The following PNPO variants were observed in gnomAD, a reference collection of about 807,000 sequenced individuals.
PNPO encodes pyridoxamine 5'-phosphate oxidase.
Under a neutral mutation model 35.0 loss-of-function variants are expected in PNPO, and 39 were observed. That is an observed-to-expected ratio of 1.11 (90% CI 0.86 to 1.45). The LOEUF is 1.45. PNPO is among the 40% of genes most tolerant of loss of function. The pLI is 0.00. For synonymous variants in PNPO, 115 were observed against 119.8 expected (o/e 0.96, Z 0.26); for missense variants, 288 against 340.0 (o/e 0.85, Z 1.20).
chr17:47,946,019 G>T, intron 5 of PNPO, 30 bp downstream of exon 5: 1 of 1,612,246 alleles, frequency 6.2e-7, no homozygotes, highest in Non-Finnish European at 8.5e-7. Context: ...AGTCCTCCAG[G>T]TGGTGGAGGC....
Position 47,948,002 on chromosome 17 carries a change from G to A in PNPO, c.*1220G>A, listed in dbSNP as rs1239557372. On this transcript the variant is annotated 3_prime_UTR_variant, in exon 7 of 7. Transcript: ENST00000642017. ...TTGCTGCCTTCTCTGTGGCTACAAG[G>A]GACCCACAGAATTACAGGGAAGTTA... 1 of 152,116 alleles carries A rather than the reference G, an allele frequency of 6.6e-6. No homozygotes were observed. Among genetic ancestry groups the A allele is most frequent in the Non-Finnish European group, 1.5e-5 (1 of 68,020 alleles). 9.4% of individuals were successfully genotyped at this position (152,116 alleles called of 1,614,324 possible).
In PNPO at chr17:47,946,356, C is replaced by T. The variant is rs754757019; in HGVS notation, c.580C>T (p.Leu194Phe). The T allele has an allele frequency of 3.1e-6, 5 of 1,613,644 alleles. No homozygotes were observed. In the South Asian group the frequency reaches 4.4e-5, roughly 14 times the overall value. ...AAAGAAAAATGAGGAACTGGAACAG[C>T]TCTACCAGGATCAAGAGGTGCCCAA... ...LRKKNEELEQ[L>F]YQDQEVPKPK... Residue 194 changes from leucine (L) to phenylalanine (F), a missense_variant, in exon 6 of 7, where the codon CTC becomes TTC. Leu to Phe is a conservative substitution (Grantham distance 22, BLOSUM62 0). Transcript: ENST00000642017.
chr17:47,942,033 A>T lies in PNPO; in HGVS notation c.138+220A>T, dbSNP rs1598195326. On this transcript the variant is annotated intron_variant, in intron 1 of 6. Coordinates refer to ENST00000642017, the MANE Select transcript of PNPO (RefSeq NM_018129.4). Reference sequence around the variant, plus strand: ...AAACGCAAATGAAGATGGGTTCAAAAGGCAGCCTTTCGTAATGGGTAAGAG... The same window carrying T: ...AAACGCAAATGAAGATGGGTTCAAATGGCAGCCTTTCGTAATGGGTAAGAG... The T allele has an allele frequency of 6.0e-6, 8 of 1,323,396 alleles. No homozygotes were observed. In the East Asian group the frequency reaches 2.3e-4, roughly 38 times the overall value. The allele number at this position is 1,323,396 out of a possible 1,614,324, so 82.0% of individuals were successfully genotyped here.
chr17:47,946,207 G>T, intron 5 of PNPO, 116 bp from the exon 6 acceptor site: 1 of 1,023,376 alleles, frequency 9.8e-7, no homozygotes. Context: ...TGCTCCTGGA[G>T]GACAGAGGCC....
At position 47,949,289 on chromosome 17, in the gene PNPO, C is replaced by G. The variant is rs1456467530; in HGVS notation, c.*2507C>G. On this transcript the variant is annotated 3_prime_UTR_variant, in exon 7 of 7. Coordinates refer to ENST00000642017, the MANE Select transcript of PNPO (RefSeq NM_018129.4). ...TACCGCCCCCAGTCTGTAATAAAAG[C>G]CTATCAGCCGTGCACTTTATTGATG... 2.0e-5 allele frequency: 3 copies of G among 152,246 alleles called. No homozygotes were observed. The highest frequency in any genetic ancestry group is 2.9e-5 in the Non-Finnish European group (2 of 68,048). The allele number at this position is 152,246 out of a possible 1,614,324, so 9.4% of individuals were successfully genotyped here.
chr17:47,942,488 CTGTT>C (rs112357759), intron 1 of PNPO, among the ~76,000 whole-genome samples: 7 of 152,122 alleles, frequency 4.6e-5, no homozygotes, highest in African/African-American at 1.4e-4. Context: ...AGCTTACAAA[CTGTT>C]TGACAAAAAA....
In PNPO at chr17:47,945,468, G is replaced by A. The variant is rs1372225340; in HGVS notation, c.364-91G>A. ...CGGTGGGTGCATCTGCTGTGGGCCTGCGCACTACAGCTCTCCTGCCTTTTC... is the reference window on the plus strand; with the variant it reads ...CGGTGGGTGCATCTGCTGTGGGCCTACGCACTACAGCTCTCCTGCCTTTTC... On this transcript the variant is annotated intron_variant, in intron 3 of 6. Transcript: ENST00000642017. This position sits in a 1 kb window ranked among gnomAD's most constrained non-coding sequence, Gnocchi z 4.0. 2.1e-6 allele frequency: 2 copies of A among 960,642 alleles called. No homozygotes were observed. Among genetic ancestry groups the A allele is most frequent in the Non-Finnish European group, 1.7e-6 (1 of 584,960 alleles). The allele number at this position is 960,642 out of a possible 1,614,324, so 59.5% of individuals were successfully genotyped here.
Position 47,946,676 on chromosome 17 carries a change from A to G in PNPO, c.680A>G (p.His227Arg), listed in dbSNP as rs199582272. Residue 227 changes from histidine to arginine, a missense_variant, in exon 7 of 7, where the codon CAT becomes CGT. Coordinates refer to ENST00000642017, the MANE Select transcript of PNPO (RefSeq NM_018129.4). Reference protein sequence around the residue: ...EFWQGQTNRLHDRIVFRRGLP... With the variant: ...EFWQGQTNRLRDRIVFRRGLP... The stretch of plus-strand genomic sequence containing the variant: ...TGGCAAGGTCAAACCAACCGCCTGC[A>G]TGACCGGATAGTCTTTCGGCGGGGC... 2 of 1,614,210 alleles carry G rather than the reference A, an allele frequency of 1.2e-6. No homozygotes were observed. Among genetic ancestry groups the G allele is most frequent in the Admixed American group, 3.3e-5 (2 of 60,030 alleles).
chr17:47,946,534 C>A, intron 6 of PNPO, 80 bp from the exon 7 acceptor site: 1 of 1,519,362 alleles, frequency 6.6e-7, no homozygotes, highest in Non-Finnish European at 9.1e-7. Context: ...TCAAGAGGCC[C>A]TGGGATGAGG....
Position 47,944,473 on chromosome 17 carries a change from A to G in PNPO, c.264-143A>G, listed in dbSNP as rs988732721. On this transcript the variant is annotated intron_variant, in intron 2 of 6. Transcript: ENST00000642017. ...TGTCATACCTCTAGGACAAATCCCC[A>G]GGAGCACATGGGACGGGGTAGCCTG... The G allele has an allele frequency of 6.6e-5, 51 of 769,520 alleles. No individual in the cohort carries two copies. In the South Asian group the frequency reaches 6.6e-4, roughly 10 times the overall value. 47.7% of individuals were successfully genotyped at this position (769,520 alleles called of 1,614,324 possible).
chr17:47,945,809 A>G lies in PNPO; in HGVS notation c.418-52A>G. 2 of 1,601,272 alleles carry G rather than the reference A, an allele frequency of 1.2e-6. No individual in the cohort carries two copies. The highest frequency in any genetic ancestry group is 2.2e-5 in the South Asian group (2 of 90,074). ...AGAGAGGAACGGGGCCTGTGCTGGT[A>G]GGGAGGGCAGGTGGCATTTAATGCC... On this transcript the variant is annotated intron_variant, in intron 4 of 6. Coordinates refer to ENST00000642017, the MANE Select transcript of PNPO (RefSeq NM_018129.4). This position sits in a 1 kb window ranked among gnomAD's most constrained non-coding sequence, Gnocchi z 4.0.
chr17:47,945,752 G>T lies in PNPO; in HGVS notation c.418-109G>T. On this transcript the variant is annotated intron_variant, in intron 4 of 6. Transcript: ENST00000642017. The surrounding 1 kb of genome is among the most constrained non-coding windows in gnomAD (Gnocchi z 4.0). The stretch of plus-strand genomic sequence containing the variant: ...CCTCTAAAATAGCCCTCAGTTAGTT[G>T]GAGCCAAGAGTGGTGGGGCAGCCGA... 6.7e-7 allele frequency: 1 copy of T among 1,497,714 alleles called. No individual in the cohort carries two copies. The highest frequency in any genetic ancestry group is 9.2e-7 in the Non-Finnish European group (1 of 1,083,864). The allele number at this position is 1,497,714 out of a possible 1,614,324, so 92.8% of individuals were successfully genotyped here.
chr17:47,946,118 A>C, intron 5 of PNPO, 129 bp downstream of exon 5: 1 of 1,309,406 alleles, frequency 7.6e-7, no homozygotes, highest in Non-Finnish European at 1.1e-6. Context: ...GAAAACAGTG[A>C]AAAGGACAGT....
chr17:47,946,733 T>C lies in PNPO; in HGVS notation c.737T>C (p.Met246Thr). ...ACAGGAGATTCCCCTTTGGGGCCCA[T>C]GACCCACCGCGGGGAGGAAGACTGG... ...LPTGDSPLGP[M>T]THRGEEDWLY... Residue 246 changes from methionine to threonine, a missense_variant, in exon 7 of 7, where the codon ATG becomes ACG. By Grantham distance (81) the Met-to-Thr change is moderately conservative (BLOSUM62 -1). Transcript: ENST00000642017. 1 of 1,614,076 alleles carries C rather than the reference T, an allele frequency of 6.2e-7. No individual in the cohort carries two copies. Among genetic ancestry groups the C allele is most frequent in the African/African-American group, 1.3e-5 (1 of 74,934 alleles).
rs1679939076 is a variant in PNPO at position 47,947,847 on chromosome 17, G to A, written c.*1065G>A. On this transcript the variant is annotated 3_prime_UTR_variant, in exon 7 of 7. Coordinates refer to ENST00000642017, the MANE Select transcript of PNPO (RefSeq NM_018129.4). ...CAGCGAGACGGGGTTTCATTATGTT[G>A]GCCAGGCTGGTCTCCAACTCCTGAC... The A allele has an allele frequency of 6.6e-6, 1 of 151,974 alleles. No homozygotes were observed. Among genetic ancestry groups the A allele is most frequent in the Non-Finnish European group, 1.5e-5 (1 of 67,996 alleles). 9.4% of individuals were successfully genotyped at this position (151,974 alleles called of 1,614,324 possible).
At chr17:47,943,707 C>T (rs2035972900) in intron 2 of PNPO, among the ~76,000 whole-genome samples, 2 of 152,246 alleles carry the variant, frequency 1.3e-5, no homozygotes, top group South Asian at 2.1e-4. Flanking sequence ...ATCTCCCCAT[C>T]TACCCAAGCC....
chr17:47,942,437 C>T (rs961462001), intron 1 of PNPO, among the ~76,000 whole-genome samples: 2 of 152,076 alleles, frequency 1.3e-5, no homozygotes, highest in Admixed American at 1.3e-4. Context: ...GCCAGGTGGG[C>T]ATGGTCATGG....
intron 2 of PNPO, among the ~76,000 whole-genome samples, chr17:47,944,200 CGTGTGTGTGT>C (rs3047638): frequency 1.7e-4 from 24 of 142,246 alleles, no homozygotes; most frequent in African/African-American, 5.3e-4. Flanking sequence ...CACTGCCTTT[CGTGTGTGTGT>C]GTGTGTGTGT....
At chr17:47,943,457 G>A in intron 2 of PNPO, 27 bp downstream of exon 2, 1 of 1,611,862 alleles carries the variant, frequency 6.2e-7, no homozygotes, top group East Asian at 2.2e-5. Context: ...GCCCCTCTTT[G>A]GGTGGATACA....
Sources: allele counts gnomAD v4.1 joint callset (sites outside exome capture counted in the v4.1 genomes callset), GRCh38; gene constraint gnomAD v4.1.1; non-coding constraint Gnocchi (gnomAD v3.1); transcripts MANE v1.5; gene names NCBI Gene and HGNC (gene_info 2026-07-23, HGNC 2026-07-21).